The following TRIM44 variants were observed in gnomAD, a reference collection of about 807,000 sequenced individuals.
TRIM44 encodes tripartite motif containing 44.
TRIM44 carries 13 observed loss-of-function variants against 37.4 expected under a neutral mutation model. The ratio of observed to expected loss-of-function variants is 0.35; its 90% CI spans 0.23 to 0.55. TRIM44 has a LOEUF of 0.55. TRIM44 is among the 20% of genes least tolerant of loss of function. The pLI, the probability that TRIM44 is intolerant of heterozygous loss-of-function variation, is 0.89. For missense variants in TRIM44, 426 were observed against 437.2 expected (o/e 0.97, Z 0.23); for synonymous variants, 175 against 157.2 (o/e 1.11, Z -0.85).
chr11:35,685,456 C>A, intron 2 of TRIM44, 120 bp downstream of exon 2: 1 of 804,210 alleles, frequency 1.2e-6, no homozygotes, highest in Non-Finnish European at 2.0e-6. Context: ...TTAATTAAGC[C>A]TGCCCATCAG....
chr11:35,697,101 A>G (rs916436200), intron 2 of TRIM44, among the ~76,000 whole-genome samples: 1 of 151,974 alleles, frequency 6.6e-6, no homozygotes, highest in Non-Finnish European at 1.5e-5. Flanking sequence ...TTTAGGGTAC[A>G]TGTGCACAAC....
chr11:35,665,599 T>G (rs71480084), intron 1 of TRIM44, among the ~76,000 whole-genome samples: 5,142 of 136,894 alleles, frequency 0.038, 356 homozygotes, highest in Admixed American at 0.17. Flanking sequence ...TTTTTTTTTT[T>G]TTTTTTTTTT....
chr11:35,722,377 G>A (rs1169866021), intron 2 of TRIM44, among the ~76,000 whole-genome samples: 13 of 152,274 alleles, frequency 8.5e-5, no homozygotes, highest in Middle Eastern at 3.4e-3. Flanking sequence ...TCTTGCTCAC[G>A]AAAGAATTCA....
chr11:35,804,934 T>TAA (rs1049599744), intron 4 of TRIM44, among the ~76,000 whole-genome samples: 1 of 152,196 alleles, frequency 6.6e-6, no homozygotes, highest in African/African-American at 2.4e-5. Flanking sequence ...TATTTTCCCT[T>TAA]AAAGTCTTTC....
chr11:35,773,553 T>C (rs1375191585), intron 4 of TRIM44, among the ~76,000 whole-genome samples: 1 of 152,160 alleles, frequency 6.6e-6, no homozygotes, highest in Non-Finnish European at 1.5e-5. Context: ...ACATGTGCCA[T>C]GTTGGTGTGC....
At position 35,663,430 on chromosome 11, in the gene TRIM44, T is replaced by G. The variant is rs377623025; in HGVS notation, c.319T>G (p.Ser107Ala). Residue 107 changes from serine to alanine, a missense_variant, in exon 1 of 5, where the codon TCA becomes GCA. By Grantham distance (99) the Ser-to-Ala change is moderately conservative. Coordinates refer to ENST00000299413, the MANE Select transcript of TRIM44 (RefSeq NM_017583.6). ...EESESEEESESEEESETEEES... is the reference protein window; with the variant it reads ...EESESEEESEAEEESETEEES... ...GAGTGAGTCGGAGGAAGAGAGCGAG[T>G]CAGAGGAAGAGAGCGAGACAGAGGA... is the stretch of plus-strand genomic sequence containing the variant. 1 of 1,565,352 alleles carries G rather than the reference T, an allele frequency of 6.4e-7. No individual in the cohort carries two copies. The highest frequency in any genetic ancestry group is 8.7e-7 in the Non-Finnish European group (1 of 1,153,416).
intron 4 of TRIM44, among the ~76,000 whole-genome samples, chr11:35,770,938 T>C (rs1852861283): frequency 6.6e-6 from 1 of 152,216 alleles, no homozygotes. Context: ...TGTGGAACGC[T>C]AAGCCCAATT....
chr11:35,800,939 T>A (rs1853360086), intron 4 of TRIM44, among the ~76,000 whole-genome samples: 1 of 152,184 alleles, frequency 6.6e-6, no homozygotes, highest in South Asian at 2.1e-4. Flanking sequence ...CTCTGGTATT[T>A]TCATCATGTT....
intron 2 of TRIM44, among the ~76,000 whole-genome samples, chr11:35,708,698 G>A (rs1427923534): frequency 2.0e-5 from 3 of 151,742 alleles, no homozygotes; most frequent in African/African-American, 7.3e-5. Flanking sequence ...ACTCACAGGT[G>A]GGAATTGAAC....
At chr11:35,756,731 G>C (rs1263520801) in intron 4 of TRIM44, among the ~76,000 whole-genome samples, 1 of 152,136 alleles carries the variant, frequency 6.6e-6, no homozygotes, top group African/African-American at 2.4e-5. Flanking sequence ...GTTGAATTTT[G>C]TCAAAGGCCT....
At chr11:35,683,234 G>A (rs1161492442) in intron 1 of TRIM44, among the ~76,000 whole-genome samples, 1 of 152,008 alleles carries the variant, frequency 6.6e-6, no homozygotes, top group African/African-American at 2.4e-5. Flanking sequence ...TAAAATTAGT[G>A]GAGGATATAG....
intron 4 of TRIM44, among the ~76,000 whole-genome samples, chr11:35,793,287 G>T (rs550805498): frequency 2.6e-5 from 4 of 152,266 alleles, no homozygotes; most frequent in African/African-American, 9.6e-5. Context: ...CACTTTGGGA[G>T]GCTGGGGCAG....
chr11:35,796,334 T>C (rs954409629), intron 4 of TRIM44, among the ~76,000 whole-genome samples: 6 of 152,226 alleles, frequency 3.9e-5, no homozygotes, highest in African/African-American at 1.4e-4. Flanking sequence ...TAGAGATAAG[T>C]GTCAAGTATA....
intron 4 of TRIM44, among the ~76,000 whole-genome samples, chr11:35,759,716 T>C (rs1398661013): frequency 1.3e-5 from 2 of 152,222 alleles, no homozygotes; most frequent in Admixed American, 1.3e-4. Flanking sequence ...CTTCTAACAG[T>C]CAGGACCCTC....
At position 35,758,761 on chromosome 11, in the gene TRIM44, C is replaced by G. The variant is rs58299788; in HGVS notation, c.1007+23316C>G. Among the ~76,000 whole-genome samples the G allele has an allele frequency of 8.8e-3, 1,339 of 152,250 alleles. 17 individuals carry two copies. The highest frequency in any genetic ancestry group is 0.03 in the African/African-American group (1,245 of 41,532). On this transcript the variant is annotated intron_variant, in intron 4 of 4. Coordinates refer to ENST00000299413, the MANE Select transcript of TRIM44 (RefSeq NM_017583.6). ...TTTTATTTCTCCTTCACTTATGAAG[C>G]TTAGTTTGGCTGGATATGAAATTCT...
intron 2 of TRIM44, among the ~76,000 whole-genome samples, chr11:35,718,209 G>C (rs1852061211): frequency 6.6e-6 from 1 of 152,112 alleles, no homozygotes; most frequent in Non-Finnish European, 1.5e-5. Context: ...AAATGGGAAG[G>C]CAGAGAATGA....
In TRIM44 at chr11:35,740,589, C is replaced by T. The variant is rs149201116; in HGVS notation, c.1007+5144C>T. On this transcript the variant is annotated intron_variant, in intron 4 of 4. Transcript: ENST00000299413. ...AGATCACTGTGAATCTGACCCATAC[C>T]GATTCTGCGATCAAACAGGAAGCGT... is the stretch of plus-strand genomic sequence containing the variant. 2.6e-3 allele frequency among the ~76,000 whole-genome samples: 389 copies of T among 152,244 alleles called. 5 individuals are homozygous for T. The highest frequency in any genetic ancestry group is 9.1e-3 in the African/African-American group (376 of 41,540).
chr11:35,797,565 G>T (rs1853309525), intron 4 of TRIM44, among the ~76,000 whole-genome samples: 1 of 152,162 alleles, frequency 6.6e-6, no homozygotes. Flanking sequence ...CATATTGATA[G>T]TATCAACCCT....
chr11:35,793,167 T>C (rs1834744549), intron 4 of TRIM44, among the ~76,000 whole-genome samples: 1 of 53,358 alleles, frequency 1.9e-5, no homozygotes, highest in Non-Finnish European at 4.4e-5. Flanking sequence ...TTATAAAAAC[T>C]GAAAAAAAAA....
Sources: gnomAD v4.1 joint callset for allele counts (sites outside exome capture counted in the v4.1 genomes callset) on GRCh38, gnomAD v4.1.1 for gene constraint, MANE v1.5 for transcripts, NCBI Gene and HGNC (gene_info 2026-07-23, HGNC 2026-07-21) for gene names.